Variants in LPP observed in about 807,000 individuals in gnomAD.
LPP encodes lipoma-preferred partner.
LPP carries 38 observed loss-of-function variants against 60.4 expected under a neutral mutation model. The observed-to-expected ratio is 0.63, with a 90% CI of 0.49 to 0.83. The LOEUF is 0.83. Among genes scored for constraint, LPP ranks in the 40% least tolerant of loss-of-function variants. The pLI, the probability that LPP is intolerant of heterozygous loss-of-function variation, is 0.00. For synonymous variants in LPP, 328 were observed against 290.8 expected, an observed-to-expected ratio of 1.13 and a Z score of -1.30; for missense variants, 902 against 783.6, an observed-to-expected ratio of 1.15 and a Z score of -1.80.
At chr3:188,467,121 T>C (rs1800672964) in intron 4 of LPP, among the ~76,000 whole-genome samples, 1 of 151,780 alleles carries the variant, frequency 6.6e-6, no homozygotes, top group Non-Finnish European at 1.5e-5. Context: ...AAAGCAATCC[T>C]ATGGGGACAA....
intron 8 of LPP, chr3:188,759,497 T>A (rs1731432886): frequency 6.6e-6 from 1 of 152,366 alleles, no homozygotes; most frequent in Admixed American, 6.5e-5. Flanking sequence ...ACTAGAACCA[T>A]GGGGTAAGCA....
rs1580363357 is a variant in LPP at position 188,609,148 on chromosome 3, C to G, written c.430-13C>G. 1.3e-6 allele frequency: 2 copies of G among 1,519,852 alleles called. No homozygotes were observed. The highest frequency in any genetic ancestry group is 2.4e-5 in the East Asian group (1 of 42,000). 94.1% of individuals were successfully genotyped at this position (1,519,852 alleles called of 1,614,324 possible). The stretch of plus-strand genomic sequence containing the variant: ...TTGCTTTCTTTCTTTCTTTTTTTTC[C>G]TATTCTTTTTAGAGCTCCACTGGTT... On this transcript the variant is annotated splice_polypyrimidine_tract_variant and intron_variant, in intron 6 of 11. Coordinates refer to ENST00000617246, the MANE Select transcript of LPP (RefSeq NM_001375462.1). This position sits in a 1 kb window ranked among gnomAD's most constrained non-coding sequence, Gnocchi z 6.9.
intron 2 of LPP, among the ~76,000 whole-genome samples, chr3:188,269,808 G>A (rs945973693): frequency 1.3e-5 from 2 of 151,896 alleles, no homozygotes; most frequent in Non-Finnish European, 2.9e-5. Context: ...GTGCCACCAC[G>A]CCCTAATTTT....
At chr3:188,207,814 C>G (rs1237058583) in intron 1 of LPP, among the ~76,000 whole-genome samples, 1 of 152,036 alleles carries the variant, frequency 6.6e-6, no homozygotes, top group African/African-American at 2.4e-5. Flanking sequence ...CCTGCTCCAT[C>G]CTCTTTTAAT....
intron 4 of LPP, 94 bp from the exon 5 acceptor site, chr3:188,484,498 C>T: frequency 1.2e-6 from 1 of 847,354 alleles, no homozygotes; most frequent in Non-Finnish European, 1.9e-6. Context: ...TGTGTCAAAG[C>T]CAATTATAAA....
At chr3:188,805,186 T>C (rs1748707882) in intron 9 of LPP, among the ~76,000 whole-genome samples, 1 of 152,066 alleles carries the variant, frequency 6.6e-6, no homozygotes, top group African/African-American at 2.4e-5. Context: ...ACTAGATTTG[T>C]TATCAGTGCA....
rs184298079 is a variant in LPP, at chr3:188,724,378, A to G, written c.1240+15985A>G. Among the ~76,000 whole-genome samples, 1,101 of 152,274 alleles carry G rather than the reference A, an allele frequency of 7.2e-3. 4 individuals are homozygous for G. Among genetic ancestry groups the G allele is most frequent in the Non-Finnish European group, 0.011 (720 of 68,020 alleles). ...GCTCATTCCATGACTTTTCTGGTAAATCCTATTCTGTTTTTTCCTCTACTT... is the reference window on the plus strand; with the variant it reads ...GCTCATTCCATGACTTTTCTGGTAAGTCCTATTCTGTTTTTTCCTCTACTT... On this transcript the variant is annotated intron_variant, in intron 8 of 11. Coordinates refer to ENST00000617246, the MANE Select transcript of LPP (RefSeq NM_001375462.1).
At chr3:188,838,457 C>T (rs1759050781) in intron 9 of LPP, among the ~76,000 whole-genome samples, 1 of 152,124 alleles carries the variant, frequency 6.6e-6, no homozygotes, top group South Asian at 2.1e-4. Context: ...TTATCCAGCT[C>T]CTGGTTCCTC....
At chr3:188,251,311 G>A (rs1385262524) in intron 2 of LPP, among the ~76,000 whole-genome samples, 2 of 151,566 alleles carry the variant, frequency 1.3e-5, no homozygotes, top group East Asian at 3.9e-4. Context: ...TTAATTGCTG[G>A]AATAAAAAGA....
Position 188,235,835 on chromosome 3 carries a change from G to A in LPP, c.-67+10308G>A, listed in dbSNP as rs529195065. On this transcript the variant is annotated intron_variant, in intron 2 of 11. Transcript: ENST00000617246. ...TTTTTGTACTACCAGAATGCTTTGTGTATACATCCAATAAAGCATTCATGC... is the reference window on the plus strand; with the variant it reads ...TTTTTGTACTACCAGAATGCTTTGTATATACATCCAATAAAGCATTCATGC... Among the ~76,000 whole-genome samples the A allele has an allele frequency of 2.0e-5, 3 of 152,206 alleles. No individual in the cohort carries two copies. In the East Asian group the frequency reaches 5.8e-4, roughly 29 times the overall value.
intron 8 of LPP, among the ~76,000 whole-genome samples, chr3:188,757,889 G>GTTTTTTGTTTT (rs1553833771): frequency 2.4e-4 from 19 of 78,730 alleles, no homozygotes; most frequent in Non-Finnish European, 2.8e-4. Context: ...TGTTTTTTTG[G>GTTTTTTGTTTT]TTTTTTTTTT....
chr3:188,820,349 C>G lies in LPP; in HGVS notation c.1411-45851C>G, dbSNP rs142524430. ...AAGAACAGAGGAGAGGAGACTCAGGCTGAAAATGTCAAGTTATTTTGAGTC... is the reference window on the plus strand; with the variant it reads ...AAGAACAGAGGAGAGGAGACTCAGGGTGAAAATGTCAAGTTATTTTGAGTC... On this transcript the variant is annotated intron_variant, in intron 9 of 11. Coordinates refer to ENST00000617246, the MANE Select transcript of LPP (RefSeq NM_001375462.1). Among the ~76,000 whole-genome samples the G allele has an allele frequency of 2.2e-3, 336 of 151,940 alleles. 2 individuals are homozygous for G. The highest frequency in any genetic ancestry group is 7.9e-3 in the African/African-American group (326 of 41,448).
chr3:188,777,274 T>C (rs1223357858), intron 9 of LPP, among the ~76,000 whole-genome samples: 1 of 152,034 alleles, frequency 6.6e-6, no homozygotes, highest in East Asian at 1.9e-4. Flanking sequence ...ACATCCATTT[T>C]CTAACTATGC....
intron 9 of LPP, among the ~76,000 whole-genome samples, chr3:188,837,384 T>TCATAATAAG (rs35650225): frequency 1.6e-5 from 1 of 64,360 alleles, no homozygotes; most frequent in Non-Finnish European, 2.6e-5. Flanking sequence ...ATCTCAAACA[T>TCATAATAAG]AATAATAATA....
intron 8 of LPP, among the ~76,000 whole-genome samples, chr3:188,740,123 G>A (rs1723898710): frequency 6.6e-6 from 1 of 152,080 alleles, no homozygotes; most frequent in Non-Finnish European, 1.5e-5. Context: ...ATGGCAAGAA[G>A]GGAGCCAGGT....
At chr3:188,764,292 G>T (rs1335874324) in intron 9 of LPP, among the ~76,000 whole-genome samples, 4 of 152,118 alleles carry the variant, frequency 2.6e-5, no homozygotes, top group Admixed American at 1.3e-4. Context: ...TTTACTAAAG[G>T]GAGATATTAA....
chr3:188,277,420 C>T (rs1355628294), intron 2 of LPP, among the ~76,000 whole-genome samples: 1 of 152,112 alleles, frequency 6.6e-6, no homozygotes, highest in East Asian at 1.9e-4. Flanking sequence ...TCTCTCTTCT[C>T]TATTAGTTTT....
At chr3:188,638,530 G>T (rs1849332499) in intron 7 of LPP, among the ~76,000 whole-genome samples, 1 of 146,974 alleles carries the variant, frequency 6.8e-6, no homozygotes, top group Admixed American at 6.7e-5. Flanking sequence ...TTAGGCAGGA[G>T]AAGGAAATAA....
chr3:188,751,444 G>A (rs950727008), intron 8 of LPP, among the ~76,000 whole-genome samples: 3 of 152,144 alleles, frequency 2.0e-5, no homozygotes, highest in South Asian at 2.1e-4. Flanking sequence ...AAATTAAGAC[G>A]GAGAATGTGA....
Sources: gnomAD v4.1 joint callset for allele counts (sites outside exome capture counted in the v4.1 genomes callset) on GRCh38, gnomAD v4.1.1 for gene constraint, Gnocchi (gnomAD v3.1) non-coding constraint, MANE v1.5 for transcripts, NCBI Gene and HGNC (gene_info 2026-07-23, HGNC 2026-07-21) for gene names.